Variants in SPRED1 observed in about 807,000 individuals in gnomAD.
SPRED1 encodes the protein sprouty-related, EVH1 domain-containing protein 1.
A neutral mutation model predicts 52.3 loss-of-function variants in SPRED1; 18 were observed. That is an observed-to-expected ratio of 0.34 (90% CI 0.24 to 0.51). SPRED1 has a LOEUF of 0.51. Ranked by LOEUF, SPRED1 falls within the 20% of genes least tolerant of loss-of-function variation. The pLI, the probability that SPRED1 is intolerant of heterozygous loss-of-function variation, is 0.97. For missense variants in SPRED1, 485 were observed against 551.0 expected (o/e 0.88, Z 1.20); for synonymous variants, 155 against 179.7 (o/e 0.86, Z 1.10).
chr15:38,296,832 G>C (rs1895049435), intron 1 of SPRED1, among the ~76,000 whole-genome samples: 1 of 152,182 alleles, frequency 6.6e-6, no homozygotes. Flanking sequence ...CAGTGCAACA[G>C]TGTTAGGAGG....
chr15:38,328,337 C>T (rs1027702653), intron 4 of SPRED1, among the ~76,000 whole-genome samples: 1 of 152,172 alleles, frequency 6.6e-6, no homozygotes, highest in Non-Finnish European at 1.5e-5. Context: ...TTAATTAATT[C>T]AACAAATATT....
chr15:38,263,849 T>C (rs960528579), intron 1 of SPRED1, among the ~76,000 whole-genome samples: 1 of 152,108 alleles, frequency 6.6e-6, no homozygotes, highest in African/African-American at 2.4e-5. Flanking sequence ...CATAATGTTA[T>C]AAGAAAGTGT....
intron 6 of SPRED1, 69 bp downstream of exon 6, chr15:38,349,592 C>G: frequency 1.6e-6 from 1 of 615,562 alleles, no homozygotes; most frequent in South Asian, 1.8e-5. Context: ...GTTTTCCAGT[C>G]TTTCTAATTC....
chr15:38,290,138 ACT>A lies in SPRED1; in HGVS notation c.33-9231_33-9230del, dbSNP rs1350180254. On this transcript the variant is annotated intron_variant, in intron 1 of 6. Coordinates refer to ENST00000299084, the MANE Select transcript of SPRED1 (RefSeq NM_152594.3). ...CTCTAATGCTTTTATCTCATCATGA[ACT>A]CTCATATTAATGTTGACTGCCTGTC... Among the ~76,000 whole-genome samples, 3 of 152,026 alleles carry A rather than the reference ACT, an allele frequency of 2.0e-5. No homozygotes were observed. In the East Asian group the frequency reaches 5.8e-4, roughly 29 times the overall value.
intron 1 of SPRED1, among the ~76,000 whole-genome samples, chr15:38,276,767 A>AT (rs1268777651): frequency 6.6e-6 from 1 of 152,114 alleles, no homozygotes; most frequent in African/African-American, 2.4e-5. Context: ...CTGTTTAAAC[A>AT]TTTTTTGACT....
At chr15:38,264,563 G>GAT (rs1555387452) in intron 1 of SPRED1, among the ~76,000 whole-genome samples, 1 of 151,644 alleles carries the variant, frequency 6.6e-6, no homozygotes, top group African/African-American at 2.4e-5. Context: ...CTGCTAAAAT[G>GAT]TTTTTTTTAA....
chr15:38,310,776 A>C (rs916625652), intron 2 of SPRED1, among the ~76,000 whole-genome samples: 1 of 152,182 alleles, frequency 6.6e-6, no homozygotes, highest in Admixed American at 6.5e-5. Context: ...CTGCATGTCC[A>C]TTGTATATAG....
At chr15:38,269,001 C>T (rs1335505209) in intron 1 of SPRED1, among the ~76,000 whole-genome samples, 2 of 149,250 alleles carry the variant, frequency 1.3e-5, no homozygotes, top group African/African-American at 2.5e-5. Flanking sequence ...AGTGCAGTGG[C>T]GCGATCTCGG....
At chr15:38,350,878 A>C in intron 6 of SPRED1, 136 bp from the exon 7 acceptor site, 1 of 905,712 alleles carries the variant, frequency 1.1e-6, no homozygotes, top group Non-Finnish European at 1.7e-6. Context: ...TGAAATGTTG[A>C]TCTCATCCCA....
intron 1 of SPRED1, among the ~76,000 whole-genome samples, chr15:38,286,093 A>T (rs1894801203): frequency 6.6e-6 from 1 of 151,956 alleles, no homozygotes; most frequent in Non-Finnish European, 1.5e-5. Flanking sequence ...AAAGTGAAAA[A>T]ATTTAGCCAG....
intron 1 of SPRED1, among the ~76,000 whole-genome samples, chr15:38,286,504 T>G (rs1398832791): frequency 1.3e-5 from 2 of 150,152 alleles, no homozygotes; most frequent in Non-Finnish European, 3.0e-5. Flanking sequence ...AGATTTATAT[T>G]TATCTTTTTC....
chr15:38,257,148 C>T (rs1019012986), intron 1 of SPRED1, among the ~76,000 whole-genome samples: 1 of 152,134 alleles, frequency 6.6e-6, no homozygotes, highest in African/African-American at 2.4e-5. Flanking sequence ...TCTCTCTTCC[C>T]CTCTTTCAAC....
intron 1 of SPRED1, among the ~76,000 whole-genome samples, chr15:38,266,958 G>A (rs1265161756): frequency 6.6e-6 from 1 of 152,058 alleles, no homozygotes; most frequent in African/African-American, 2.4e-5. Flanking sequence ...TACAATTACT[G>A]GCTAATAGCA....
At chr15:38,260,314 G>A (rs545459035) in intron 1 of SPRED1, among the ~76,000 whole-genome samples, 2 of 152,160 alleles carry the variant, frequency 1.3e-5, no homozygotes, top group South Asian at 4.1e-4. Flanking sequence ...ATAATTCCAT[G>A]TCTTCATCAT....
Position 38,351,869 on chromosome 15 carries a change from G to A in SPRED1, c.*205G>A, listed in dbSNP as rs567404158. 2.5e-5 allele frequency: 16 copies of A among 637,086 alleles called. No homozygotes were observed. The highest frequency in any genetic ancestry group is 2.2e-4 in the African/African-American group (12 of 54,602). The allele number at this position is 637,086 out of a possible 1,614,324, so 39.5% of individuals were successfully genotyped here. A position where few individuals can be genotyped will look rare whatever the true frequency, so the allele number is the denominator to read the frequency against. ...TGCATGGCATGTTTTGTTACAGGTT[G>A]TAGAGTATTTGCAGAAGGAAACCAT... On this transcript the variant is annotated 3_prime_UTR_variant, in exon 7 of 7. Transcript: ENST00000299084.
chr15:38,295,846 T>TA (rs1203794073), intron 1 of SPRED1, among the ~76,000 whole-genome samples: 2 of 152,054 alleles, frequency 1.3e-5, no homozygotes, highest in Admixed American at 1.3e-4. Context: ...GCCAATGAGC[T>TA]AAAAAAATCA....
chr15:38,306,668 T>C (rs776350051), intron 2 of SPRED1, among the ~76,000 whole-genome samples: 2 of 152,160 alleles, frequency 1.3e-5, no homozygotes, highest in Non-Finnish European at 2.9e-5. Flanking sequence ...AGTCTGCCTA[T>C]TAGCATTTCT....
chr15:38,311,077 G>A (rs1895357701), intron 2 of SPRED1, among the ~76,000 whole-genome samples: 1 of 152,062 alleles, frequency 6.6e-6, no homozygotes, highest in African/African-American at 2.4e-5. Flanking sequence ...TTGTTGGCTG[G>A]GGTTTCTTGC....
intron 4 of SPRED1, among the ~76,000 whole-genome samples, chr15:38,328,766 C>T (rs1595750154): frequency 6.6e-6 from 1 of 152,276 alleles, no homozygotes; most frequent in African/African-American, 2.4e-5. Flanking sequence ...GTTGCCCAGG[C>T]TGGAGTGCAG....
Sources: gnomAD v4.1 joint callset for allele counts (sites outside exome capture counted in the v4.1 genomes callset) on GRCh38, gnomAD v4.1.1 for gene constraint, MANE v1.5 for transcripts, NCBI Gene and HGNC (gene_info 2026-07-23, HGNC 2026-07-21) for gene names.